The following TIMM50 variants were observed in gnomAD, a reference collection of about 807,000 sequenced individuals.
TIMM50 encodes the protein translocase of inner mitochondrial membrane 50.
Under a neutral mutation model 49.6 loss-of-function variants are expected in TIMM50, and 34 were observed. The observed-to-expected ratio is 0.69, with a 90% CI of 0.52 to 0.91. TIMM50 has a LOEUF of 0.91. Among genes scored for constraint, TIMM50 ranks in the 40% least tolerant of loss-of-function variants. The probability of loss-of-function intolerance (pLI) is 0.00; values close to 1 mark genes in which losing one functional copy is unlikely to be tolerated. For missense variants in TIMM50, 458 were observed against 477.8 expected (o/e 0.96, Z 0.39); for synonymous variants, 199 against 198.4 (o/e 1.00, Z -0.03).
rs895144569 is a variant in TIMM50 at position 39,486,492 on chromosome 19, A to G, written c.693A>G (p.Val231=). 2 of 1,614,106 alleles carry G rather than the reference A, an allele frequency of 1.2e-6. No individual in the cohort carries two copies. The highest frequency in any genetic ancestry group is 4.5e-5 in the East Asian group (2 of 44,874). The change falls in exon 8 of 11, where the codon GTA becomes GTG. Residue 231 remains valine, a synonymous_variant. Coordinates refer to ENST00000607714, the MANE Select transcript of TIMM50 (RefSeq NM_001001563.5). Reference sequence around the variant, plus strand: ...CAAGATACATGGATGGACACCATGTAAAGGTGCCGTGGGTTCATGGGTGGG... The same window carrying G: ...CAAGATACATGGATGGACACCATGTGAAGGTGCCGTGGGTTCATGGGTGGG... ...DATRYMDGHH[V]KDISCLNRDP... is the part of the protein sequence containing the mutation.
At chr19:39,482,142 T>C in intron 2 of TIMM50, 109 bp downstream of exon 2, 1 of 1,428,926 alleles carries the variant, frequency 7.0e-7, no homozygotes, top group South Asian at 1.3e-5. Flanking sequence ...ATTCCCTGGC[T>C]CCTTCCTCAA....
intron 4 of TIMM50, chr19:39,485,275 T>G: frequency 2.0e-6 from 1 of 510,112 alleles, no homozygotes; most frequent in South Asian, 2.1e-5. Flanking sequence ...TATGTGGGTT[T>G]TAAGTGGGCC....
rs2144739078 is a variant in TIMM50 at position 39,488,636 on chromosome 19, G to T, written c.951G>T (p.Arg317=). The change falls in exon 10 of 11, where the codon CGG becomes CGT. Residue 317 remains arginine, a synonymous_variant. Coordinates refer to ENST00000607714, the MANE Select transcript of TIMM50 (RefSeq NM_001001563.5). ...CGGCTTTCAAACAGCGGCAAAGCCG[G>T]CTAGAGCAGGTTGGTGCTCAGATGC... is the stretch of plus-strand genomic sequence containing the variant. ...PLAAFKQRQS[R]LEQEEQQRLA... The T allele has an allele frequency of 1.9e-6, 3 of 1,613,714 alleles. No individual in the cohort carries two copies. The highest frequency in any genetic ancestry group is 2.5e-6 in the Non-Finnish European group (3 of 1,179,938).
rs767591125 is a variant in TIMM50 at position 39,486,358 on chromosome 19, G to T, written c.598-39G>T. 8 of 1,613,088 alleles carry T rather than the reference G, an allele frequency of 5.0e-6. No homozygotes were observed. In the African/African-American group the frequency reaches 9.3e-5, roughly 19 times the overall value. Reference sequence around the variant, plus strand: ...AGGCGTAGAGATCTGGAGGACCAGGGCTCAGCCTGACCTTTTCTCGCTCCC... The same window carrying T: ...AGGCGTAGAGATCTGGAGGACCAGGTCTCAGCCTGACCTTTTCTCGCTCCC... On this transcript the variant is annotated intron_variant, in intron 7 of 10. Coordinates refer to ENST00000607714, the MANE Select transcript of TIMM50 (RefSeq NM_001001563.5).
chr19:39,488,070 T>C lies in TIMM50; in HGVS notation c.706T>C (p.Cys236Arg). Reference protein sequence around the residue: ...MDGHHVKDISCLNRDPARVVV... With the variant: ...MDGHHVKDISRLNRDPARVVV... Reference sequence around the variant, plus strand: ...TGTCACTCACTTCCAGGATATTTCATGTCTGAATCGGGACCCAGCTCGAGT... The same window carrying C: ...TGTCACTCACTTCCAGGATATTTCACGTCTGAATCGGGACCCAGCTCGAGT... Residue 236 changes from cysteine to arginine, a missense_variant, in exon 9 of 11, where the codon TGT (cysteine) becomes CGT (arginine). Coordinates refer to ENST00000607714, the MANE Select transcript of TIMM50 (RefSeq NM_001001563.5). The C allele has an allele frequency of 1.9e-6, 3 of 1,609,992 alleles. No homozygotes were observed. The highest frequency in any genetic ancestry group is 8.5e-7 in the Non-Finnish European group (1 of 1,176,706).
chr19:39,484,695 A>T (rs2079493158), intron 4 of TIMM50, among the ~76,000 whole-genome samples: 1 of 152,176 alleles, frequency 6.6e-6, no homozygotes, highest in Non-Finnish European at 1.5e-5. Flanking sequence ...TTATATATTT[A>T]TTGTGGTTTA....
intron 4 of TIMM50, among the ~76,000 whole-genome samples, chr19:39,483,757 A>G (rs371670454): frequency 5.9e-5 from 9 of 152,354 alleles, no homozygotes; most frequent in African/African-American, 1.4e-4. Flanking sequence ...GCTGGCTTCA[A>G]CAAATCAGTA....
chr19:39,481,003 C>T (rs777886382), intron 1 of TIMM50, 42 bp downstream of exon 1: 12 of 1,534,366 alleles, frequency 7.8e-6, no homozygotes, highest in Admixed American at 4.1e-5. Context: ...GGGGTCCCTT[C>T]CCTGGAGTTA....
rs2144745184 is a variant in TIMM50, at chr19:39,492,014, A to G, written c.*2194A>G. 1 of 152,150 alleles carries G rather than the reference A, an allele frequency of 6.6e-6. No homozygotes were observed. The highest frequency in any genetic ancestry group is 6.5e-5 in the Admixed American group (1 of 15,274). The allele number at this position is 152,150 out of a possible 1,614,324, so 9.4% of individuals were successfully genotyped here. A position where few individuals can be genotyped will look rare whatever the true frequency, so the allele number is the denominator to read the frequency against. ...TTATAGGAGTGAGCCACTCTGCCCA[A>G]CTACTTTTAATTAAATAGCCACATG... On this transcript the variant is annotated 3_prime_UTR_variant, in exon 11 of 11. Transcript: ENST00000607714.
chr19:39,488,738 G>C (rs998271009), intron 10 of TIMM50, 93 bp downstream of exon 10: 1 of 1,008,230 alleles, frequency 9.9e-7, no homozygotes, highest in Non-Finnish European at 1.5e-6. Flanking sequence ...TGGTTTGGCT[G>C]TGTGACCCTG....
rs367775265 is a variant in TIMM50 at position 39,488,011 on chromosome 19, G to T, written c.697-50G>T. ...TTTGTGTGTTTTGGGTCTTCTTGAT[G>T]GGGGGAGAGTTGGGCACAGATGTTG... On this transcript the variant is annotated intron_variant, in intron 8 of 10. Transcript: ENST00000607714. 1.8e-5 allele frequency: 29 copies of T among 1,571,192 alleles called. No individual in the cohort carries two copies. In the African/African-American group the frequency reaches 2.8e-4, roughly 15 times the overall value.
chr19:39,481,099 C>G, intron 1 of TIMM50, 138 bp downstream of exon 1: 3 of 1,173,960 alleles, frequency 2.6e-6, no homozygotes, highest in Non-Finnish European at 3.4e-6. Context: ...GGGGCCCTTC[C>G]CAACCTCCTG....
Position 39,492,880 on chromosome 19 carries a change from A to AAAACAAAC in TIMM50, c.*3063_*3064insCAAACAAA, listed in dbSNP as rs1555752613. 7.0e-6 allele frequency: 1 copy of AAAACAAAC among 143,394 alleles called. No individual in the cohort carries two copies. The allele number at this position is 143,394 out of a possible 1,614,324, so 8.9% of individuals were successfully genotyped here. ...AGTAAGGCTCTGTCTCCAAAAAAAA[A>AAAACAAAC]AAAAAAAAAAAACAAAAAAAAAACC... On this transcript the variant is annotated 3_prime_UTR_variant, in exon 11 of 11. Coordinates refer to ENST00000607714, the MANE Select transcript of TIMM50 (RefSeq NM_001001563.5).
intron 2 of TIMM50, 96 bp from the exon 3 acceptor site, chr19:39,482,789 T>C (rs2079481341): frequency 3.2e-6 from 5 of 1,548,456 alleles, no homozygotes; most frequent in Non-Finnish European, 4.4e-6. Flanking sequence ...CTCTCTTTCC[T>C]CAGATCCAGG....
intron 9 of TIMM50, 41 bp downstream of exon 9, chr19:39,488,258 C>T (rs753226935): frequency 2.5e-6 from 4 of 1,576,800 alleles, no homozygotes; most frequent in Non-Finnish European, 3.5e-6. Flanking sequence ...GACCCCAGAG[C>T]CCCTGACTCT....
chr19:39,488,008 G>T (rs1288068140), intron 8 of TIMM50, 53 bp from the exon 9 acceptor site: 4 of 1,569,936 alleles, frequency 2.5e-6, no homozygotes, highest in Non-Finnish European at 3.5e-6. Flanking sequence ...GGGTCTTCTT[G>T]ATGGGGGGAG....
chr19:39,481,058 A>C (rs2079467805), intron 1 of TIMM50, 97 bp downstream of exon 1: 2 of 1,394,624 alleles, frequency 1.4e-6, no homozygotes, highest in East Asian at 5.2e-5. Flanking sequence ...GCCTCACCTC[A>C]GGGTGCTGAA....
In TIMM50 at chr19:39,488,598, G is replaced by A. The variant is rs2079523745; in HGVS notation, c.913G>A (p.Asp305Asn). ...CGTGCTGGAGCACTATGCCCTGGAGGATGACCCGCTGGCGGCTTTCAAACA... is the reference window on the plus strand; with the variant it reads ...CGTGCTGGAGCACTATGCCCTGGAGAATGACCCGCTGGCGGCTTTCAAACA... ...RTVLEHYALE[D>N]DPLAAFKQRQ... is the part of the protein sequence containing the mutation. The change falls in exon 10 of 11, where the codon GAT becomes AAT. Residue 305 changes from aspartate to asparagine, a missense_variant. By Grantham distance (23) the Asp-to-Asn change is conservative. Coordinates refer to ENST00000607714, the MANE Select transcript of TIMM50 (RefSeq NM_001001563.5). 4 of 1,613,496 alleles carry A rather than the reference G, an allele frequency of 2.5e-6. No individual in the cohort carries two copies. In the South Asian group the frequency reaches 3.3e-5, roughly 13 times the overall value.
At position 39,490,160 on chromosome 19, in the gene TIMM50, A is replaced by C. The variant is rs190051576; in HGVS notation, c.*340A>C. On this transcript the variant is annotated 3_prime_UTR_variant, in exon 11 of 11. Coordinates refer to ENST00000607714, the MANE Select transcript of TIMM50 (RefSeq NM_001001563.5). ...GACCACAGACTCCTCATCTGTGGAG[A>C]AGGGAAGAGAGGATGGCACTTGGCT... 3.9e-6 allele frequency: 1 copy of C among 259,386 alleles called. No individual in the cohort carries two copies. Among genetic ancestry groups the C allele is most frequent in the East Asian group, 8.0e-5 (1 of 12,448 alleles). 16.1% of individuals were successfully genotyped at this position (259,386 alleles called of 1,614,324 possible).
Sources: gnomAD v4.1 joint callset for allele counts (sites outside exome capture counted in the v4.1 genomes callset) on GRCh38, gnomAD v4.1.1 for gene constraint, MANE v1.5 for transcripts, NCBI Gene and HGNC (gene_info 2026-07-23, HGNC 2026-07-21) for gene names.